DIP2B: variants seen among roughly 807,000 people sequenced by gnomAD.
The protein encoded by DIP2B is DIP2 acetate--CoA ligase B (putative).
In DIP2B, 76 loss-of-function variants were observed where a neutral mutation model predicts 198.0. The ratio of observed to expected loss-of-function variants is 0.38; its 90% CI spans 0.32 to 0.46. The LOEUF is 0.46. Among genes scored for constraint, DIP2B ranks in the 20% least tolerant of loss-of-function variants. The pLI is 0.99. For missense variants in DIP2B, 1,559 were observed against 1,978.4 expected (o/e 0.79, Z 4.02); for synonymous variants, 701 against 739.1 (o/e 0.95, Z 0.84).
intron 36 of DIP2B, 57 bp from the exon 37 acceptor site, chr12:50,741,359 G>A: frequency 6.3e-7 from 1 of 1,584,520 alleles, no homozygotes; most frequent in Non-Finnish European, 8.6e-7. Flanking sequence ...GGACTCCAGT[G>A]TTATGTTGCA....
At chr12:50,716,986 CAG>C (rs1565880577) in intron 23 of DIP2B, among the ~76,000 whole-genome samples, 1 of 4,878 alleles carries the variant, frequency 2.1e-4, no homozygotes, top group African/African-American at 3.5e-4. Flanking sequence ...TTTTTTGAGA[CAG>C]AGTTTGCTCT....
intron 7 of DIP2B, 26 bp from the exon 8 acceptor site, chr12:50,678,653 C>T: frequency 1.2e-6 from 2 of 1,604,664 alleles, no homozygotes. Context: ...GTACTCATTT[C>T]ACTCATTGGG....
Position 50,691,923 on chromosome 12 carries a change from G to A in DIP2B, c.1654+772G>A, listed in dbSNP as rs118034041. ...TACTAAAAATAACAAAAAATGACCA[G>A]GTGTGGTGGCTTGTGCTTGTACTCC... On this transcript the variant is annotated intron_variant, in intron 13 of 37. Transcript: ENST00000301180. Among the ~76,000 whole-genome samples the A allele has an allele frequency of 3.4e-3, 513 of 152,164 alleles. 9 individuals carry two copies. Among genetic ancestry groups the A allele is most frequent in the South Asian group, 3.7e-3 (18 of 4,808 alleles).
At chr12:50,531,653 A>T (rs1958218126) in intron 1 of DIP2B, among the ~76,000 whole-genome samples, 1 of 152,130 alleles carries the variant, frequency 6.6e-6, no homozygotes, top group African/African-American at 2.4e-5. Flanking sequence ...TTGAAAGTGG[A>T]TAAGGAATGC....
chr12:50,737,046 G>T lies in DIP2B; in HGVS notation c.4112G>T (p.Gly1371Val). 1.2e-6 allele frequency: 2 copies of T among 1,613,836 alleles called. No individual in the cohort carries two copies. Among genetic ancestry groups the T allele is most frequent in the Non-Finnish European group, 1.7e-6 (2 of 1,179,868 alleles). ...CCCTTTGATTCTTAGATTTTACCTG[G>T]AGTGAAAGTGGTTATTGTTAATCCT... is the stretch of plus-strand genomic sequence containing the variant. ...LLSESGKILP[G>V]VKVVIVNPET... The change falls in exon 35 of 38, where the codon GGA becomes GTA. Residue 1371 changes from glycine to valine, a missense_variant. Physicochemically the swap from Gly to Val is moderately radical, Grantham distance 109 (BLOSUM62 -3). Coordinates refer to ENST00000301180, the MANE Select transcript of DIP2B (RefSeq NM_173602.3).
intron 1 of DIP2B, among the ~76,000 whole-genome samples, chr12:50,561,586 A>G (rs931462285): frequency 1.3e-5 from 2 of 152,098 alleles, no homozygotes; most frequent in Admixed American, 1.3e-4. Flanking sequence ...GATGCTGTCT[A>G]TAATTTTTGC....
intron 1 of DIP2B, among the ~76,000 whole-genome samples, chr12:50,538,448 C>T (rs191505238): frequency 1.6e-4 from 24 of 152,160 alleles, no homozygotes; most frequent in Non-Finnish European, 2.6e-4. Context: ...TAGCCCCACC[C>T]CACCTCCGTG....
intron 1 of DIP2B, among the ~76,000 whole-genome samples, chr12:50,579,480 C>T (rs1958694743): frequency 6.7e-6 from 1 of 150,176 alleles, no homozygotes; most frequent in East Asian, 2.0e-4. Flanking sequence ...GGTGTGGTGG[C>T]AGGTGCCTGT....
At chr12:50,620,490 G>A (rs570023901) in intron 1 of DIP2B, among the ~76,000 whole-genome samples, 66 of 152,254 alleles carry the variant, frequency 4.3e-4, no homozygotes, top group Admixed American at 7.8e-4. Context: ...TCGCAGACTC[G>A]CCACGACCAT....
chr12:50,735,372 G>C lies in DIP2B; in HGVS notation c.4101+242G>C, dbSNP rs142426093. ...ATCCAACTGACATGTTATTCTTATT[G>C]ACAGACCAGCAAAATGCAGTGCTCA... On this transcript the variant is annotated intron_variant, in intron 34 of 37. Coordinates refer to ENST00000301180, the MANE Select transcript of DIP2B (RefSeq NM_173602.3). Among the ~76,000 whole-genome samples, 1,312 of 152,042 alleles carry C rather than the reference G, an allele frequency of 8.6e-3. 27 individuals are homozygous for C. The highest frequency in any genetic ancestry group is 0.03 in the African/African-American group (1,237 of 41,466).
intron 4 of DIP2B, among the ~76,000 whole-genome samples, chr12:50,661,527 A>G (rs1231194322): frequency 6.6e-6 from 1 of 152,186 alleles, no homozygotes; most frequent in Admixed American, 6.5e-5. Flanking sequence ...TGAAAGAGAA[A>G]TAGCTCTGTG....
At chr12:50,636,882 C>T (rs1246268365) in intron 2 of DIP2B, among the ~76,000 whole-genome samples, 3 of 152,178 alleles carry the variant, frequency 2.0e-5, no homozygotes, top group Non-Finnish European at 2.9e-5. Context: ...GCTCCCAACC[C>T]GCTCTCCTTA....
chr12:50,513,215 TGAATG>T (rs1245284838), intron 1 of DIP2B, among the ~76,000 whole-genome samples: 1 of 152,172 alleles, frequency 6.6e-6, no homozygotes, highest in African/African-American at 2.4e-5. Context: ...TATGAAGTGA[TGAATG>T]GAATCAATTT....
At chr12:50,575,451 T>C (rs565175861) in intron 1 of DIP2B, among the ~76,000 whole-genome samples, 1 of 150,944 alleles carries the variant, frequency 6.6e-6, no homozygotes, top group South Asian at 2.1e-4. Flanking sequence ...GACGTGATCA[T>C]GGCTCACTGC....
At chr12:50,690,716 G>C (rs1190379773) in intron 12 of DIP2B, among the ~76,000 whole-genome samples, 2 of 152,180 alleles carry the variant, frequency 1.3e-5, no homozygotes, top group Non-Finnish European at 2.9e-5. Flanking sequence ...CTGCAGTGCT[G>C]TGCTTGACTT....
intron 1 of DIP2B, among the ~76,000 whole-genome samples, chr12:50,625,121 C>G (rs1158462776): frequency 6.6e-6 from 1 of 152,036 alleles, no homozygotes; most frequent in African/African-American, 2.4e-5. Flanking sequence ...TTAAAAGGTT[C>G]TTTTTCAGAA....
intron 28 of DIP2B, 64 bp from the exon 29 acceptor site, chr12:50,727,639 A>G (rs1263172784): frequency 3.8e-5 from 56 of 1,473,018 alleles, no homozygotes; most frequent in Non-Finnish European, 4.9e-5. Context: ...AAAGCCACAG[A>G]AGAGCAATGA....
chr12:50,703,960 A>T (rs760150924), intron 19 of DIP2B, among the ~76,000 whole-genome samples, 180 bp from the exon 20 acceptor site: 1 of 150,950 alleles, frequency 6.6e-6, no homozygotes, highest in Non-Finnish European at 1.5e-5. Context: ...TATCTTCTTA[A>T]AAGTCTAGAG....
At chr12:50,709,333 C>G (rs565465743) in intron 22 of DIP2B, among the ~76,000 whole-genome samples, 57 of 152,168 alleles carry the variant, frequency 3.7e-4, no homozygotes, top group African/African-American at 1.3e-3. Context: ...AAGTTTTTTT[C>G]TAAATTATCC....
Sources: allele counts gnomAD v4.1 joint callset (sites outside exome capture counted in the v4.1 genomes callset), GRCh38; gene constraint gnomAD v4.1.1; transcripts MANE v1.5; gene names NCBI Gene and HGNC (gene_info 2026-07-23, HGNC 2026-07-21).